Variants in IMMP2L observed in about 807,000 individuals in gnomAD.
IMMP2L encodes the protein inner mitochondrial membrane peptidase subunit 2, also known as mitochondrial inner membrane protease subunit 2.
In IMMP2L, 18 loss-of-function variants were observed where a neutral mutation model predicts 19.3. The observed-to-expected ratio is 0.93, with a 90% confidence interval of 0.64 to 1.38. The LOEUF (loss-of-function observed/expected upper bound fraction) is 1.38, where lower values mean the gene tolerates loss of function less well. Ranked by LOEUF, IMMP2L falls within the 40% of genes most tolerant of loss-of-function variation. The pLI is 0.00. For synonymous variants in IMMP2L, 76 were observed against 73.0 expected (o/e 1.04, Z -0.21); for missense variants, 233 against 218.2 (o/e 1.07, Z -0.43).
At chr7:110,724,171 G>A (rs762686313) in intron 5 of IMMP2L, 6 of 152,016 alleles carry the variant, frequency 3.9e-5, no homozygotes, top group African/African-American at 7.2e-5. Context: ...TTTTAAGCAC[G>A]GATAATTAAT....
intron 3 of IMMP2L, among the ~76,000 whole-genome samples, chr7:111,271,122 C>A (rs987208761): frequency 6.6e-6 from 1 of 151,944 alleles, no homozygotes; most frequent in African/African-American, 2.4e-5. Context: ...TGAGTGAGTT[C>A]TCATGAGATC....
At chr7:110,785,826 A>T (rs1800037706) in intron 5 of IMMP2L, among the ~76,000 whole-genome samples, 1 of 151,976 alleles carries the variant, frequency 6.6e-6, no homozygotes. Context: ...TCAAGAAACT[A>T]TGATCTATAA....
At chr7:110,874,649 T>C (rs1808884418) in intron 5 of IMMP2L, among the ~76,000 whole-genome samples, 1 of 152,096 alleles carries the variant, frequency 6.6e-6, no homozygotes, top group African/African-American at 2.4e-5. Flanking sequence ...AGAAATATTA[T>C]GTGACTATAA....
At chr7:111,029,626 G>A (rs977229643) in intron 3 of IMMP2L, among the ~76,000 whole-genome samples, 4 of 152,152 alleles carry the variant, frequency 2.6e-5, no homozygotes, top group African/African-American at 9.7e-5. Context: ...ATGGTCAAAT[G>A]TCTTCTGGCT....
intron 4 of IMMP2L, among the ~76,000 whole-genome samples, chr7:110,933,404 G>C (rs989272795): frequency 1.3e-5 from 2 of 152,124 alleles, no homozygotes; most frequent in African/African-American, 4.8e-5. Flanking sequence ...AACCATCTCT[G>C]CTCCTCACCT....
intron 3 of IMMP2L, among the ~76,000 whole-genome samples, chr7:111,342,248 A>G (rs1033049662): frequency 1.3e-5 from 2 of 152,066 alleles, no homozygotes; most frequent in African/African-American, 4.8e-5. Context: ...TTCAATATAT[A>G]CTAAAATATT....
chr7:111,428,693 T>C (rs1468040563), intron 3 of IMMP2L, among the ~76,000 whole-genome samples: 1 of 151,798 alleles, frequency 6.6e-6, no homozygotes, highest in Non-Finnish European at 1.5e-5. Context: ...AAAGACTTTC[T>C]GAAATATAAA....
intron 5 of IMMP2L, among the ~76,000 whole-genome samples, chr7:110,837,919 T>C (rs764047382): frequency 1.3e-5 from 2 of 152,114 alleles, no homozygotes; most frequent in African/African-American, 4.8e-5. Flanking sequence ...ATTTATATGT[T>C]GGGGATGGCT....
At chr7:111,491,439 T>C (rs1038673768) in intron 2 of IMMP2L, among the ~76,000 whole-genome samples, 3 of 152,110 alleles carry the variant, frequency 2.0e-5, no homozygotes, top group Non-Finnish European at 4.4e-5. Flanking sequence ...CTTATGGTAG[T>C]TCTTGGCCCA....
intron 3 of IMMP2L, among the ~76,000 whole-genome samples, chr7:110,993,167 C>A (rs1470120383): frequency 2.0e-5 from 3 of 152,038 alleles, no homozygotes; most frequent in Non-Finnish European, 4.4e-5. Context: ...TGCCTTTCAA[C>A]CTATGCCAGT....
At chr7:111,513,900 G>C (rs530735193) in intron 2 of IMMP2L, among the ~76,000 whole-genome samples, 1 of 151,964 alleles carries the variant, frequency 6.6e-6, no homozygotes, top group Non-Finnish European at 1.5e-5. Context: ...GATGAACCTA[G>C]AGAACATTAT....
chr7:110,767,583 TA>T (rs892669856), intron 5 of IMMP2L, among the ~76,000 whole-genome samples: 9 of 152,212 alleles, frequency 5.9e-5, no homozygotes, highest in Non-Finnish European at 1.0e-4. Flanking sequence ...GATACTTAGA[TA>T]TAATCTTGAT....
chr7:111,466,276 T>A (rs1840653558), intron 3 of IMMP2L, among the ~76,000 whole-genome samples: 1 of 152,104 alleles, frequency 6.6e-6, no homozygotes, highest in South Asian at 2.1e-4. Flanking sequence ...CACACCAACA[T>A]GGCACATGTA....
At chr7:110,997,860 A>G (rs1394434414) in intron 3 of IMMP2L, among the ~76,000 whole-genome samples, 1 of 152,122 alleles carries the variant, frequency 6.6e-6, no homozygotes, top group Non-Finnish European at 1.5e-5. Context: ...TTCAGGAAAT[A>G]AAAAATATAT....
At chr7:111,116,380 A>G (rs1409312276) in intron 3 of IMMP2L, among the ~76,000 whole-genome samples, 3 of 152,232 alleles carry the variant, frequency 2.0e-5, no homozygotes, top group Non-Finnish European at 4.4e-5. Context: ...AAATCTCAAA[A>G]TATCAGATTT....
At chr7:111,480,597 CAAAAAAAA>C (rs925037556) in intron 3 of IMMP2L, among the ~76,000 whole-genome samples, 3 of 55,058 alleles carry the variant, frequency 5.4e-5, no homozygotes, top group Non-Finnish European at 8.6e-5. Flanking sequence ...ATTTTACTGT[CAAAAAAAA>C]AAAAAAAAAA....
chr7:110,977,541 G>C (rs1041250092), intron 3 of IMMP2L, among the ~76,000 whole-genome samples: 1 of 151,884 alleles, frequency 6.6e-6, no homozygotes, highest in Non-Finnish European at 1.5e-5. Flanking sequence ...TGAACTTCTC[G>C]CTTCTAAGAT....
chr7:111,058,215 G>A (rs1185798608), intron 3 of IMMP2L, among the ~76,000 whole-genome samples: 2 of 152,020 alleles, frequency 1.3e-5, no homozygotes, highest in African/African-American at 4.8e-5. Flanking sequence ...TCTAACTCAG[G>A]CTGTCATCCC....
intron 5 of IMMP2L, among the ~76,000 whole-genome samples, chr7:110,875,081 T>C (rs10266782): frequency 0.04 from 6,122 of 152,146 alleles, 398 homozygotes; most frequent in African/African-American, 0.14. Context: ...AATTTCAACA[T>C]GAATTTTGGA....
Sources: allele counts gnomAD v4.1 joint callset (sites outside exome capture counted in the v4.1 genomes callset), GRCh38; gene constraint gnomAD v4.1.1; transcripts MANE v1.5; gene names NCBI Gene and HGNC (gene_info 2026-07-23, HGNC 2026-07-21).